The following KIAA1328 variants were observed in gnomAD, a reference collection of about 807,000 sequenced individuals.
KIAA1328 encodes KIAA1328.
KIAA1328 carries 52 observed loss-of-function variants against 68.1 expected under a neutral mutation model. The observed-to-expected ratio is 0.76, with a 90% CI of 0.61 to 0.96. The LOEUF (loss-of-function observed/expected upper bound fraction) is 0.96, where lower values mean the gene tolerates loss of function less well. Ranked by LOEUF, KIAA1328 falls within the 40% of genes least tolerant of loss-of-function variation. KIAA1328 has a pLI of 0.00. For missense variants in KIAA1328, 641 were observed against 677.6 expected (o/e 0.95, Z 0.60); for synonymous variants, 232 against 239.4 (o/e 0.97, Z 0.28).
chr18:36,947,361 A>G (rs1203110936), intron 5 of KIAA1328, among the ~76,000 whole-genome samples: 1 of 152,212 alleles, frequency 6.6e-6, no homozygotes, highest in Admixed American at 6.5e-5. Context: ...ATTGGGTGAC[A>G]GCTTGATTTT....
At chr18:37,221,512 C>T (rs1343707543) in intron 9 of KIAA1328, among the ~76,000 whole-genome samples, 1 of 152,144 alleles carries the variant, frequency 6.6e-6, no homozygotes, top group Admixed American at 6.5e-5. Context: ...GTGCTGGAGA[C>T]AAACCACCTG....
At chr18:36,838,741 A>AT (rs544968047) in intron 3 of KIAA1328, among the ~76,000 whole-genome samples, 31 of 147,626 alleles carry the variant, frequency 2.1e-4, no homozygotes, top group African/African-American at 4.7e-4. Flanking sequence ...CCCTGGAGTA[A>AT]TTTTTTTTTT....
intron 6 of KIAA1328, among the ~76,000 whole-genome samples, chr18:37,054,186 A>G (rs2055817950): frequency 6.6e-6 from 1 of 152,190 alleles, no homozygotes; most frequent in Admixed American, 6.5e-5. Flanking sequence ...ATGCAGAGGA[A>G]AGGGAACAGT....
intron 6 of KIAA1328, among the ~76,000 whole-genome samples, chr18:36,974,445 A>G (rs1286850326): frequency 6.6e-6 from 1 of 152,192 alleles, no homozygotes; most frequent in Non-Finnish European, 1.5e-5. Flanking sequence ...AAAAGCCTCC[A>G]GTTCCATTTA....
intron 7 of KIAA1328, among the ~76,000 whole-genome samples, chr18:37,120,295 A>G (rs1283421687): frequency 6.6e-6 from 1 of 152,038 alleles, no homozygotes; most frequent in East Asian, 1.9e-4. Flanking sequence ...AGTTATGCTG[A>G]CTCCCAGTGA....
chr18:37,229,559 C>G (rs780765046), downstream of KIAA1328: 266 of 1,274,100 alleles, frequency 2.1e-4, no homozygotes, highest in Non-Finnish European at 2.6e-4. Context: ...CTTCTCTTTC[C>G]TATTTCTAGT....
intron 5 of KIAA1328, among the ~76,000 whole-genome samples, chr18:36,914,986 G>A (rs1463113594): frequency 6.6e-6 from 1 of 152,256 alleles, no homozygotes; most frequent in East Asian, 1.9e-4. Context: ...GGATTGGTAA[G>A]GAGATCCCAA....
intron 9 of KIAA1328, among the ~76,000 whole-genome samples, chr18:37,214,529 A>T (rs184090213): frequency 9.4e-4 from 143 of 152,282 alleles, no homozygotes; most frequent in African/African-American, 3.3e-3. Flanking sequence ...TGGTACCAGT[A>T]CCATGCTGTT....
intron 4 of KIAA1328, among the ~76,000 whole-genome samples, chr18:36,881,890 G>T (rs1048655403): frequency 6.6e-6 from 1 of 152,076 alleles, no homozygotes; most frequent in Non-Finnish European, 1.5e-5. Flanking sequence ...TTTTATTGTG[G>T]ATAATACTGC....
chr18:36,971,764 A>C (rs531052327), intron 6 of KIAA1328, among the ~76,000 whole-genome samples: 12 of 152,352 alleles, frequency 7.9e-5, no homozygotes, highest in African/African-American at 2.9e-4. Flanking sequence ...AACTAACAGG[A>C]ACAGAAAACC....
intron 4 of KIAA1328, among the ~76,000 whole-genome samples, chr18:36,863,002 T>C (rs983592026): frequency 1.3e-5 from 2 of 152,148 alleles, no homozygotes; most frequent in African/African-American, 4.8e-5. Flanking sequence ...CATTTCTTAT[T>C]GCAATTTTTT....
chr18:36,940,425 T>C (rs1255969832), intron 5 of KIAA1328, among the ~76,000 whole-genome samples: 4 of 152,172 alleles, frequency 2.6e-5, no homozygotes, highest in Non-Finnish European at 4.4e-5. Flanking sequence ...GTTGATTATA[T>C]AGAAAGGTTA....
At chr18:36,914,684 C>A (rs7234039) in intron 5 of KIAA1328, among the ~76,000 whole-genome samples, 1 of 151,866 alleles carries the variant, frequency 6.6e-6, no homozygotes, top group Admixed American at 6.6e-5. Flanking sequence ...CATGCCACTG[C>A]ACTCCAGCCT....
chr18:37,041,625 C>T (rs896514386), intron 6 of KIAA1328, among the ~76,000 whole-genome samples: 1 of 136,580 alleles, frequency 7.3e-6, no homozygotes, highest in Admixed American at 8.2e-5. Flanking sequence ...TCCTTCCTTA[C>T]TGCCTTTTTT....
rs993460411 is a variant in KIAA1328, at chr18:37,224,629, G to A, written c.*2402G>A. On this transcript the variant is annotated 3_prime_UTR_variant, in exon 10 of 10. Coordinates refer to ENST00000280020, the MANE Select transcript of KIAA1328 (RefSeq NM_020776.3). ...ATATATACATACATATGAATGAAAG[G>A]TTGTTACAGAGCCTCAAAGCTGTTG... The A allele has an allele frequency of 1.0e-6, 1 of 984,192 alleles. No homozygotes were observed. Among genetic ancestry groups the A allele is most frequent in the African/African-American group, 1.7e-5 (1 of 57,156 alleles). The allele number at this position is 984,192 out of a possible 1,614,324, so 61.0% of individuals were successfully genotyped here.
intron 5 of KIAA1328, among the ~76,000 whole-genome samples, chr18:36,905,915 TGAGAA>T (rs1349876577): frequency 6.6e-6 from 1 of 152,212 alleles, no homozygotes; most frequent in African/African-American, 2.4e-5. Flanking sequence ...TCTCATTCAG[TGAGAA>T]CCCTGCCTCC....
intron 9 of KIAA1328, among the ~76,000 whole-genome samples, chr18:37,175,098 C>T (rs1462969963): frequency 6.6e-6 from 1 of 152,144 alleles, no homozygotes; most frequent in Non-Finnish European, 1.5e-5. Context: ...AGCTTGTGCT[C>T]AGAGGGTTTC....
intron 5 of KIAA1328, among the ~76,000 whole-genome samples, chr18:36,917,981 G>T (rs200143341): frequency 2.0e-5 from 3 of 151,104 alleles, no homozygotes; most frequent in African/African-American, 7.3e-5. Context: ...GTTTTTTTTT[G>T]TTTTTGTTTT....
At chr18:37,171,939 A>C (rs2059507674) in intron 8 of KIAA1328, among the ~76,000 whole-genome samples, 1 of 152,192 alleles carries the variant, frequency 6.6e-6, no homozygotes, top group Admixed American at 6.5e-5. Context: ...AGTAGAGAAT[A>C]GTTGACATAA....
Sources: allele counts gnomAD v4.1 joint callset (sites outside exome capture counted in the v4.1 genomes callset), GRCh38; gene constraint gnomAD v4.1.1; transcripts MANE v1.5; gene names NCBI Gene and HGNC (gene_info 2026-07-23, HGNC 2026-07-21).